The following FBXW4 variants were observed in gnomAD, a reference collection of about 807,000 sequenced individuals.
The protein encoded by FBXW4 is F-box and WD repeat domain containing 4.
A neutral mutation model predicts 61.8 loss-of-function variants in FBXW4; 40 were observed. That is an observed-to-expected ratio of 0.65 (90% CI 0.50 to 0.84). The LOEUF (loss-of-function observed/expected upper bound fraction) is 0.84. FBXW4 is among the 40% of genes least tolerant of loss of function. The probability of loss-of-function intolerance (pLI) is 0.00; values close to 1 mark genes in which losing one functional copy is unlikely to be tolerated. For synonymous variants in FBXW4, 311 were observed against 313.8 expected, an observed-to-expected ratio of 0.99 and a Z score of 0.10; for missense variants, 672 against 753.8, an observed-to-expected ratio of 0.89 and a Z score of 1.27.
chr10:101,689,894 A>C (rs2064575659), intron 1 of FBXW4, among the ~76,000 whole-genome samples: 2 of 152,228 alleles, frequency 1.3e-5, no homozygotes, highest in Non-Finnish European at 2.9e-5. Flanking sequence ...GAATGAATGT[A>C]CATGCCAGGA....
intron 2 of FBXW4, among the ~76,000 whole-genome samples, chr10:101,675,297 T>A (rs979486758): frequency 1.3e-5 from 2 of 152,100 alleles, no homozygotes; most frequent in African/African-American, 4.8e-5. Flanking sequence ...AGGGTGGGAA[T>A]TTTTGTGTTT....
Position 101,694,643 on chromosome 10 carries a change from C to A in FBXW4, c.463G>T (p.Ala155Ser). ...TCCTCCCCGGCCGCCGCCGCCATGGCCACCCCTGTCCCCGCGATGTCGGCC... is the reference window on the plus strand; with the variant it reads ...TCCTCCCCGGCCGCCGCCGCCATGGACACCCCTGTCCCCGCGATGTCGGCC... ...AWADIAGTGVAMAAAAGEEEE... is the reference protein window; with the variant it reads ...AWADIAGTGVSMAAAAGEEEE... The change falls in exon 1 of 9, where the codon GCC (alanine) becomes TCC (serine). Residue 155 changes from alanine to serine, a missense_variant. Around this residue, in one of 5 missense-constraint regions of FBXW4, gnomAD observed 311 missense variants for 301.1 expected, o/e 1.03. Coordinates refer to ENST00000331272, the MANE Select transcript of FBXW4 (RefSeq NM_022039.4). This position sits in a 1 kb window ranked among gnomAD's most constrained non-coding sequence, Gnocchi z 6.0. The A allele has an allele frequency of 7.1e-7, 1 of 1,418,406 alleles. No individual in the cohort carries two copies. The highest frequency in any genetic ancestry group is 9.1e-7 in the Non-Finnish European group (1 of 1,096,672). 87.9% of individuals were successfully genotyped at this position (1,418,406 alleles called of 1,614,324 possible). A position where few individuals can be genotyped will look rare whatever the true frequency, so the allele number is the denominator to read the frequency against.
chr10:101,651,763 T>G (rs1397337250), intron 5 of FBXW4, among the ~76,000 whole-genome samples: 1 of 152,046 alleles, frequency 6.6e-6, no homozygotes, highest in African/African-American at 2.4e-5. Flanking sequence ...GGGGCCTTTA[T>G]GAGACCCCAA....
chr10:101,630,589 G>A lies in FBXW4; in HGVS notation c.1236-5779C>T, dbSNP rs573633977. 2.8e-4 allele frequency among the ~76,000 whole-genome samples: 42 copies of A among 152,334 alleles called. No individual in the cohort carries two copies. The South Asian group carries it at 7.7e-3, about 28-fold the overall frequency. ...CAGTAAGTCCCAAAGCATGAATACAGTGCGAAGGTCACAAAAACTCACTCG... is the reference window on the plus strand; with the variant it reads ...CAGTAAGTCCCAAAGCATGAATACAATGCGAAGGTCACAAAAACTCACTCG... On this transcript the variant is annotated intron_variant, in intron 5 of 8. Transcript: ENST00000331272.
At chr10:101,658,502 G>C (rs890495242) in intron 5 of FBXW4, among the ~76,000 whole-genome samples, 1 of 152,142 alleles carries the variant, frequency 6.6e-6, no homozygotes, top group Non-Finnish European at 1.5e-5. Flanking sequence ...CCGAGATCGC[G>C]CCACTGCACT....
Position 101,694,078 on chromosome 10 carries a change from G to A in FBXW4, c.725+303C>T, listed in dbSNP as rs538530752. Among the ~76,000 whole-genome samples, 3 of 152,266 alleles carry A rather than the reference G, an allele frequency of 2.0e-5. No homozygotes were observed. Among genetic ancestry groups the A allele is most frequent in the African/African-American group, 7.2e-5 (3 of 41,558 alleles). On this transcript the variant is annotated intron_variant, in intron 1 of 8. Coordinates refer to ENST00000331272, the MANE Select transcript of FBXW4 (RefSeq NM_022039.4). The surrounding 1 kb of genome is among the most constrained non-coding windows in gnomAD (Gnocchi z 6.0). ...AAGGAACCGGGGCAGCTAAACCTCTGCAAAAACACACAATCGAAAGCTGTA... is the reference window on the plus strand; with the variant it reads ...AAGGAACCGGGGCAGCTAAACCTCTACAAAAACACACAATCGAAAGCTGTA...
intron 5 of FBXW4, chr10:101,627,994 T>C: frequency 1.0e-6 from 1 of 985,400 alleles, no homozygotes; most frequent in Non-Finnish European, 1.2e-6. Context: ...CCTGTTCGAT[T>C]TGAATCCGCG....
chr10:101,688,022 C>T (rs1040334395), intron 1 of FBXW4, among the ~76,000 whole-genome samples: 4 of 152,144 alleles, frequency 2.6e-5, no homozygotes, highest in Admixed American at 2.0e-4. Flanking sequence ...GAGTGAAGAC[C>T]GTGAAAACTG....
chr10:101,641,054 C>T (rs1000520719), intron 5 of FBXW4, among the ~76,000 whole-genome samples: 6 of 152,192 alleles, frequency 3.9e-5, no homozygotes, highest in Admixed American at 2.0e-4. Flanking sequence ...TGGTGTCGAA[C>T]TCCTGACCTC....
chr10:101,616,364 C>T (rs2063826558), intron 6 of FBXW4, among the ~76,000 whole-genome samples: 1 of 152,176 alleles, frequency 6.6e-6, no homozygotes, highest in Non-Finnish European at 1.5e-5. Context: ...ATGGAAACTA[C>T]AGGGAGATGT....
At chr10:101,653,304 T>C (rs543643854) in intron 5 of FBXW4, among the ~76,000 whole-genome samples, 1 of 152,342 alleles carries the variant, frequency 6.6e-6, no homozygotes, top group South Asian at 2.1e-4. Flanking sequence ...GAATCCTATA[T>C]GCTGTAGCAC....
chr10:101,650,742 C>G (rs935334030), intron 5 of FBXW4, among the ~76,000 whole-genome samples: 4 of 152,212 alleles, frequency 2.6e-5, no homozygotes, highest in Non-Finnish European at 5.9e-5. Context: ...CGAAGACCCT[C>G]CAAGAAGAAA....
chr10:101,620,683 G>A (rs909880355), intron 6 of FBXW4, among the ~76,000 whole-genome samples: 5 of 152,008 alleles, frequency 3.3e-5, no homozygotes, highest in African/African-American at 4.8e-5. Context: ...TCACCATATT[G>A]CCCAGGCTAC....
At chr10:101,623,893 A>C (rs1297960275) in intron 6 of FBXW4, among the ~76,000 whole-genome samples, 3 of 152,206 alleles carry the variant, frequency 2.0e-5, no homozygotes, top group African/African-American at 7.2e-5. Context: ...ATAGAGATGG[A>C]GAACACATAA....
intron 5 of FBXW4, chr10:101,628,086 C>A (rs1449874160): frequency 4.1e-6 from 2 of 486,576 alleles, no homozygotes; most frequent in Non-Finnish European, 5.3e-6. Flanking sequence ...TCAATAAATA[C>A]TTGGAGATCA....
chr10:101,674,337 A>AG (rs970171100), intron 2 of FBXW4, among the ~76,000 whole-genome samples: 10 of 151,852 alleles, frequency 6.6e-5, no homozygotes, highest in South Asian at 2.1e-4. Flanking sequence ...AAAAAAAAAA[A>AG]AAAGAAAGAA....
intron 2 of FBXW4, among the ~76,000 whole-genome samples, chr10:101,675,007 C>T (rs1269513532): frequency 2.0e-5 from 3 of 152,220 alleles, no homozygotes; most frequent in Non-Finnish European, 4.4e-5. Context: ...TATTCCCAAG[C>T]CTGTCTGAGT....
At chr10:101,695,213 G>A, upstream of FBXW4, 2 of 984,532 alleles carry the variant, frequency 2.0e-6, no homozygotes, top group Non-Finnish European at 2.4e-6. The surrounding 1 kb of genome is among the most constrained non-coding windows in gnomAD (Gnocchi z 4.2). Flanking sequence ...GGCGGCGCGG[G>A]CCGAGCCCTG....
rs574314118 is a variant in FBXW4 at position 101,663,827 on chromosome 10, G to A, written c.1235+4059C>T. On this transcript the variant is annotated intron_variant, in intron 5 of 8. Coordinates refer to ENST00000331272, the MANE Select transcript of FBXW4 (RefSeq NM_022039.4). ...TCTCATTCCTGGGCCATCTTAACCT[G>A]TCCTTCTATCAATCATCCAACAACT... 5.3e-5 allele frequency among the ~76,000 whole-genome samples: 8 copies of A among 152,204 alleles called. No individual in the cohort carries two copies. In the East Asian group the frequency reaches 1.3e-3, roughly 26 times the overall value.
Sources: gnomAD v4.1 joint callset for allele counts (sites outside exome capture counted in the v4.1 genomes callset) on GRCh38, gnomAD v4.1.1 for gene constraint, gnomAD v4.1.1 regional missense constraint, Gnocchi (gnomAD v3.1) non-coding constraint, MANE v1.5 for transcripts, NCBI Gene and HGNC (gene_info 2026-07-23, HGNC 2026-07-21) for gene names.